PLEKHG1: variants seen among roughly 807,000 people sequenced by gnomAD.
PLEKHG1 encodes the protein pleckstrin homology domain-containing family G member 1.
Under a neutral mutation model 100.8 loss-of-function variants are expected in PLEKHG1, and 44 were observed. That is an observed-to-expected ratio of 0.44 (90% CI 0.34 to 0.56). The LOEUF is 0.56. Among genes scored for constraint, PLEKHG1 ranks in the 20% least tolerant of loss-of-function variants. The pLI is 0.01. For synonymous variants in PLEKHG1, 640 were observed against 662.5 expected (o/e 0.97, Z 0.52); for missense variants, 1,545 against 1,720.9 (o/e 0.90, Z 1.81).
chr6:150,772,964 G>C (rs1173533626), intron 3 of PLEKHG1, among the ~76,000 whole-genome samples: 1 of 152,168 alleles, frequency 6.6e-6, no homozygotes, highest in Non-Finnish European at 1.5e-5. Context: ...CCTACCGTGA[G>C]ACATGCCTTT....
intron 3 of PLEKHG1, among the ~76,000 whole-genome samples, chr6:150,710,621 G>T (rs1393848554): frequency 2.6e-5 from 4 of 152,110 alleles, no homozygotes; most frequent in African/African-American, 9.7e-5. Context: ...TAATAAAGGG[G>T]CGTTGTTGCA....
chr6:150,689,821 C>T (rs1397429247), intron 3 of PLEKHG1, among the ~76,000 whole-genome samples: 4 of 148,530 alleles, frequency 2.7e-5, no homozygotes, highest in Non-Finnish European at 4.4e-5. Context: ...TGCCATTGCA[C>T]TCCAGCCTGG....
intron 1 of PLEKHG1, among the ~76,000 whole-genome samples, chr6:150,602,101 C>T (rs534545210): frequency 6.6e-6 from 1 of 152,290 alleles, no homozygotes; most frequent in East Asian, 1.9e-4. Flanking sequence ...TAATTAAGAT[C>T]GAATGGTTCA....
At chr6:150,767,160 G>A (rs777974700) in intron 2 of PLEKHG1, among the ~76,000 whole-genome samples, 1 of 152,146 alleles carries the variant, frequency 6.6e-6, no homozygotes, top group Non-Finnish European at 1.5e-5. Context: ...GGTTTTATGT[G>A]TTGTTCAAAA....
upstream of PLEKHG1, among the ~76,000 whole-genome samples, chr6:150,718,676 G>A (rs1781533773): frequency 6.6e-6 from 1 of 152,016 alleles, no homozygotes; most frequent in African/African-American, 2.4e-5. Context: ...CATCATGTTG[G>A]TCAGGCTAGT....
chr6:150,800,915 T>G (rs1786663530), intron 6 of PLEKHG1, 46 bp downstream of exon 7: 1 of 1,525,192 alleles, frequency 6.6e-7, no homozygotes, highest in African/African-American at 1.4e-5. Flanking sequence ...ATGGGAGTTT[T>G]GTGTGTATAT....
At chr6:150,765,155 A>G (rs950735903) in intron 2 of PLEKHG1, among the ~76,000 whole-genome samples, 1 of 152,132 alleles carries the variant, frequency 6.6e-6, no homozygotes, top group Admixed American at 6.5e-5. Context: ...GGGTAAACAG[A>G]CTACTTTCTA....
Position 150,772,302 on chromosome 6 carries a change from T to G in PLEKHG1, c.512+3564T>G, listed in dbSNP as rs77783826. Among the ~76,000 whole-genome samples, 1,093 of 152,298 alleles carry G rather than the reference T, an allele frequency of 7.2e-3. 15 individuals are homozygous for G. The highest frequency in any genetic ancestry group is 0.025 in the African/African-American group (1,050 of 41,562). ...TGCTGGAACTGCCATCCAAAACTTG[T>G]TGTTTCTTTCCCAAGCATGGTTTTG... On this transcript the variant is annotated intron_variant, in intron 3 of 15. Transcript: ENST00000358517.
At chr6:150,698,185 C>G (rs1420678050) in intron 3 of PLEKHG1, among the ~76,000 whole-genome samples, 1 of 152,040 alleles carries the variant, frequency 6.6e-6, no homozygotes, top group African/African-American at 2.4e-5. Flanking sequence ...ATTCATGTAG[C>G]CTGAAGGTAA....
chr6:150,661,940 G>A (rs1428403813), intron 3 of PLEKHG1, among the ~76,000 whole-genome samples: 1 of 152,092 alleles, frequency 6.6e-6, no homozygotes, highest in Non-Finnish European at 1.5e-5. Context: ...GAGCTTAGGT[G>A]GAATGATTTG....
At chr6:150,689,027 A>G (rs1252050546) in intron 3 of PLEKHG1, among the ~76,000 whole-genome samples, 1 of 152,210 alleles carries the variant, frequency 6.6e-6, no homozygotes, top group Non-Finnish European at 1.5e-5. Context: ...ATTAAGCAGT[A>G]ACTCTGTTCT....
intron 3 of PLEKHG1, among the ~76,000 whole-genome samples, chr6:150,770,738 A>C (rs934580447): frequency 2.6e-5 from 4 of 152,212 alleles, no homozygotes; most frequent in African/African-American, 9.6e-5. Context: ...CTCATTGTGC[A>C]ATCGCTGATG....
At chr6:150,751,416 C>T (rs1289732880) in intron 2 of PLEKHG1, among the ~76,000 whole-genome samples, 2 of 152,146 alleles carry the variant, frequency 1.3e-5, no homozygotes, top group African/African-American at 4.8e-5. Flanking sequence ...ACCTCAGCTT[C>T]ATCCTCTGTA....
intron 1 of PLEKHG1, among the ~76,000 whole-genome samples, chr6:150,635,724 ACTGTTAAATGTTC>A (rs1245709132): frequency 6.6e-6 from 1 of 152,170 alleles, no homozygotes; most frequent in Non-Finnish European, 1.5e-5. Flanking sequence ...GCATAAATAA[ACTGTTAAATGTTC>A]ATGTTAATTA....
At chr6:150,781,470 A>G (rs1785305618) in intron 3 of PLEKHG1, among the ~76,000 whole-genome samples, 1 of 151,540 alleles carries the variant, frequency 6.6e-6, no homozygotes, top group Admixed American at 6.6e-5. Context: ...ATGCCATTGC[A>G]CTCCAGCCTG....
At chr6:150,636,375 C>T (rs1777998832) in intron 1 of PLEKHG1, among the ~76,000 whole-genome samples, 1 of 152,070 alleles carries the variant, frequency 6.6e-6, no homozygotes, top group Non-Finnish European at 1.5e-5. Flanking sequence ...GTCTTTTGAG[C>T]CGTTCTGACG....
intron 3 of PLEKHG1, among the ~76,000 whole-genome samples, chr6:150,776,844 C>A (rs139736560): frequency 3.5e-5 from 5 of 142,012 alleles, no homozygotes; most frequent in African/African-American, 5.0e-5. Context: ...TGCGGTTGCA[C>A]ATCAGCCACA....
intron 3 of PLEKHG1, among the ~76,000 whole-genome samples, chr6:150,679,303 T>A (rs1779860972): frequency 6.6e-6 from 1 of 152,232 alleles, no homozygotes; most frequent in Non-Finnish European, 1.5e-5. Flanking sequence ...AAGAGATATT[T>A]AGTTATTTGT....
At chr6:150,816,275 G>A (rs980309269) in intron 10 of PLEKHG1, among the ~76,000 whole-genome samples, 22 of 143,946 alleles carry the variant, frequency 1.5e-4, no homozygotes, top group Non-Finnish European at 2.7e-4. Flanking sequence ...CAGGATATTC[G>A]CCTGGACTTT....
Sources: gnomAD v4.1 joint callset for allele counts (sites outside exome capture counted in the v4.1 genomes callset) on GRCh38, gnomAD v4.1.1 for gene constraint, MANE v1.5 for transcripts, NCBI Gene and HGNC (gene_info 2026-07-23, HGNC 2026-07-21) for gene names.